PLCH2: variants seen among roughly 807,000 people sequenced by gnomAD.
PLCH2 encodes the protein phospholipase C eta 2.
PLCH2 carries 98 observed loss-of-function variants against 134.7 expected under a neutral mutation model. The ratio of observed to expected loss-of-function variants is 0.73; its 90% CI spans 0.62 to 0.86. PLCH2 has a LOEUF of 0.86. PLCH2 is among the 40% of genes least tolerant of loss of function. The pLI is 0.00. For synonymous variants in PLCH2, 974 were observed against 827.5 expected (o/e 1.18, Z -3.04); for missense variants, 1,994 against 1,986.6 (o/e 1.00, Z -0.07).
Position 2,478,552 on chromosome 1 carries a change from C to T in PLCH2, c.201C>T (p.Arg67=), listed in dbSNP as rs1461535657. Residue 67 remains arginine (R), a synonymous_variant, in exon 2 of 22, where the codon CGC becomes CGT. Transcript: ENST00000378486. Reference sequence around the variant, plus strand: ...GTGGCGGCTCCAAGGGCCTGGTCCGCTTCTACTACCTGGACGAGCACCGCT... The same window carrying T: ...GTGGCGGCTCCAAGGGCCTGGTCCGTTTCTACTACCTGGACGAGCACCGCT... ...KLRGGSKGLV[R]FYYLDEHRSC... 1 of 1,612,798 alleles carries T rather than the reference C, an allele frequency of 6.2e-7. No individual in the cohort carries two copies. Among genetic ancestry groups the T allele is most frequent in the East Asian group, 2.2e-5 (1 of 44,884 alleles).
intron 12 of PLCH2, among the ~76,000 whole-genome samples, chr1:2,495,232 C>T (rs1235811915): frequency 2.0e-5 from 3 of 152,208 alleles, no homozygotes; most frequent in Admixed American, 6.5e-5. Flanking sequence ...GCCTGGCTGG[C>T]TCACATCCCT....
At chr1:2,438,123 G>A (rs998418341) in intron 2 of PLCH2, among the ~76,000 whole-genome samples, 16 of 152,242 alleles carry the variant, frequency 1.1e-4, no homozygotes, top group Non-Finnish European at 1.9e-4. Flanking sequence ...GTCACACTGC[G>A]CTCCCAGCCA....
chr1:2,430,929 C>G (rs1224702311), intron 2 of PLCH2, among the ~76,000 whole-genome samples: 1 of 152,152 alleles, frequency 6.6e-6, no homozygotes, highest in East Asian at 1.9e-4. Context: ...ACCTGCTGCA[C>G]TGGGGGGGTC....
At chr1:2,476,815 C>G (rs1217992178) in intron 1 of PLCH2, 103 bp downstream of exon 1, 8 of 1,238,068 alleles carry the variant, frequency 6.5e-6, no homozygotes, top group Non-Finnish European at 8.7e-6. Context: ...GGGCCTCCAT[C>G]CCATCCTGCA....
upstream of PLCH2, among the ~76,000 whole-genome samples, chr1:2,472,297 G>A (rs574871770): frequency 6.6e-6 from 1 of 152,286 alleles, no homozygotes; most frequent in East Asian, 1.9e-4. Context: ...CCAGGGGCCC[G>A]GCTGATCTCC....
chr1:2,487,624 G>C lies in PLCH2; in HGVS notation c.1141G>C (p.Glu381Gln). 1 of 1,613,324 alleles carries C rather than the reference G, an allele frequency of 6.2e-7. No homozygotes were observed. Among genetic ancestry groups the C allele is most frequent in the East Asian group, 2.2e-5 (1 of 44,890 alleles). The change falls in exon 8 of 22, where the codon GAG (glutamate) becomes CAG (glutamine). Residue 381 changes from glutamate (E) to glutamine (Q), a missense_variant. Physicochemically the swap from Glu to Gln is conservative, Grantham distance 29. Transcript: ENST00000378486. ...GGACTGCTGGGATGGGCCCGACGGG[G>C]AGCCCATTGTGCACCATGGCTACAC... ...EVDCWDGPDG[E>Q]PIVHHGYTLT...
upstream of PLCH2, among the ~76,000 whole-genome samples, chr1:2,425,259 A>G (rs984508816): frequency 2.0e-5 from 3 of 148,858 alleles, no homozygotes; most frequent in Non-Finnish European, 4.4e-5. Context: ...ACACACATAC[A>G]TACACACATA....
upstream of PLCH2, among the ~76,000 whole-genome samples, chr1:2,474,215 C>T (rs1157694708): frequency 1.3e-5 from 2 of 151,958 alleles, no homozygotes; most frequent in Non-Finnish European, 2.9e-5. Flanking sequence ...ACAGGCAGCA[C>T]GTGGGGAGGG....
In PLCH2 at chr1:2,489,793, G is replaced by T; in HGVS notation, c.1441G>T (p.Ala481Ser). Residue 481 changes from alanine to serine, a missense_variant, in exon 10 of 22, where the codon GCG (alanine) becomes TCG (serine). By Grantham distance (99) the Ala-to-Ser change is moderately conservative (BLOSUM62 1). This residue lies in a region of PLCH2 where 1,094 missense variants were observed against 1,234.3 expected (regional missense o/e 0.89). Transcript: ENST00000378486. ...GCTCCCAGCCAACATCAGCGAGGAT[G>T]CGGAGGAAGGCGAGGTGTCTGATGA... ...KKLPANISED[A>S]EEGEVSDEDS... 6.2e-7 allele frequency: 1 copy of T among 1,613,770 alleles called. No individual in the cohort carries two copies. The highest frequency in any genetic ancestry group is 8.5e-7 in the Non-Finnish European group (1 of 1,179,844).
intron 1 of PLCH2, among the ~76,000 whole-genome samples, chr1:2,429,873 G>C (rs995547002): frequency 1.3e-5 from 2 of 152,164 alleles, no homozygotes; most frequent in African/African-American, 4.8e-5. Flanking sequence ...GGAGGGGCTG[G>C]GGGGGCCGGC....
intron 2 of PLCH2, among the ~76,000 whole-genome samples, chr1:2,456,819 C>T (rs1006987631): frequency 6.6e-6 from 1 of 152,118 alleles, no homozygotes; most frequent in African/African-American, 2.4e-5. Context: ...TTTTTCTGCC[C>T]CTTCTAGGGC....
intron 4 of PLCH2, among the ~76,000 whole-genome samples, chr1:2,481,014 G>A (rs147852841): frequency 1.3e-3 from 205 of 152,312 alleles, no homozygotes; most frequent in Admixed American, 8.8e-3. Context: ...GCACATACAC[G>A]CACACACACG....
chr1:2,467,483 G>A, exon 1 of PLCH2: 1 of 395,058 alleles, frequency 2.5e-6, no homozygotes, highest in Admixed American at 4.4e-5. Flanking sequence ...GCAGGGCAGC[G>A]TGTGGGGCTG....
intron 9 of PLCH2, 63 bp from the exon 10 acceptor site, chr1:2,489,697 G>T (rs1372250535): frequency 4.6e-6 from 6 of 1,316,762 alleles, no homozygotes; most frequent in Non-Finnish European, 6.6e-6. Context: ...CTTTGTGGGT[G>T]CCAGGTACTG....
At chr1:2,417,242 A>C in the PLCH2 span, among the ~76,000 whole-genome samples, 29 of 152,140 alleles carry the variant, frequency 1.9e-4, no homozygotes, top group Non-Finnish European at 3.4e-4. Flanking sequence ...GCTGATAACT[A>C]GGGGCTGGAA....
chr1:2,427,339 G>A (rs892404419), intron 1 of PLCH2, among the ~76,000 whole-genome samples: 7 of 152,152 alleles, frequency 4.6e-5, no homozygotes, highest in African/African-American at 1.7e-4. Flanking sequence ...GGTCTGGGAC[G>A]AGTCAGGTGC....
chr1:2,504,810 C>G lies in PLCH2; in HGVS notation c.3848C>G (p.Pro1283Arg). ...AGACTGAGCCACAGCCTGGGCCTCC[C>G]GGGAGGGACACGGCGGGTGTCGGGG... The part of the protein sequence containing the change: ...SRRLSHSLGL[P>R]GGTRRVSGPG... Residue 1283 changes from proline (P) to arginine (R), a missense_variant, in exon 22 of 22, where the codon CCG (proline) becomes CGG (arginine). Transcript: ENST00000378486. 2.5e-6 allele frequency: 4 copies of G among 1,611,316 alleles called. No homozygotes were observed. Among genetic ancestry groups the G allele is most frequent in the Non-Finnish European group, 3.4e-6 (4 of 1,179,358 alleles).
chr1:2,496,562 C>G, intron 13 of PLCH2, 45 bp from the exon 14 acceptor site: 1 of 1,507,582 alleles, frequency 6.6e-7, no homozygotes, highest in South Asian at 1.2e-5. Context: ...GGGTGCCAGG[C>G]TGGCCCTGGA....
At position 2,502,283 on chromosome 1, in the gene PLCH2, C is replaced by T; in HGVS notation, c.2833C>T (p.Pro945Ser). The T allele has an allele frequency of 6.5e-7, 1 of 1,538,464 alleles. No homozygotes were observed. Among genetic ancestry groups the T allele is most frequent in the Non-Finnish European group, 8.7e-7 (1 of 1,143,270 alleles). ...CCAGAAGCCGGGCCGCAGGGGCTTC[C>T]CGGAGCTGGTCCTGGGTACACGGGA... ...KSQKPGRRGF[P>S]ELVLGTRDTG... Residue 945 changes from proline to serine, a missense_variant, in exon 21 of 22, where the codon CCG becomes TCG. This residue lies in a region of PLCH2 where 900 missense variants were observed against 752.3 expected (regional missense o/e 1.20). Transcript: ENST00000378486.
Sources: gnomAD v4.1 joint callset for allele counts (sites outside exome capture counted in the v4.1 genomes callset) on GRCh38, gnomAD v4.1.1 for gene constraint, gnomAD v4.1.1 regional missense constraint, MANE v1.5 for transcripts, NCBI Gene and HGNC (gene_info 2026-07-23, HGNC 2026-07-21) for gene names.